The following SUMF1 variants were observed in gnomAD, a reference collection of about 807,000 sequenced individuals.
SUMF1 encodes formylglycine-generating enzyme.
A neutral mutation model predicts 47.6 loss-of-function variants in SUMF1; 48 were observed. That is an observed-to-expected ratio of 1.01 (90% CI 0.80 to 1.28). The LOEUF is 1.28. Among genes scored for constraint, SUMF1 ranks in the 50% most tolerant of loss-of-function variants. The pLI, the probability that SUMF1 is intolerant of heterozygous loss-of-function variation, is 0.00. For missense variants in SUMF1, 571 were observed against 485.4 expected, an observed-to-expected ratio of 1.18 and a Z score of -1.66; for synonymous variants, 230 against 192.1, an observed-to-expected ratio of 1.20 and a Z score of -1.63.
chr3:4,286,220 T>A (rs1452679025), intron 8 of SUMF1, among the ~76,000 whole-genome samples: 1 of 152,006 alleles, frequency 6.6e-6, no homozygotes, highest in Non-Finnish European at 1.5e-5. Context: ...AATGGAAAAA[T>A]TTATAATAAA....
intron 8 of SUMF1, among the ~76,000 whole-genome samples, chr3:4,175,621 G>C (rs1474668431): frequency 1.3e-5 from 2 of 152,128 alleles, no homozygotes; most frequent in Non-Finnish European, 2.9e-5. Context: ...TAAAAATCGA[G>C]CAGTTTTCTT....
At chr3:4,218,989 C>T (rs1035512235) in intron 8 of SUMF1, among the ~76,000 whole-genome samples, 1 of 152,080 alleles carries the variant, frequency 6.6e-6, no homozygotes, top group African/African-American at 2.4e-5. Flanking sequence ...TCCAAGCTAC[C>T]CAAATCCACT....
chr3:4,206,239 C>T (rs1695650421), intron 8 of SUMF1, among the ~76,000 whole-genome samples: 1 of 151,766 alleles, frequency 6.6e-6, no homozygotes, highest in African/African-American at 2.4e-5. Flanking sequence ...AAGGGTGACA[C>T]AAACACTCCT....
chr3:4,185,875 T>C (rs183582068), intron 8 of SUMF1, among the ~76,000 whole-genome samples: 1 of 152,288 alleles, frequency 6.6e-6, no homozygotes, highest in African/African-American at 2.4e-5. Flanking sequence ...TGTTCCTCCA[T>C]GGAAAAACTT....
chr3:4,076,545 G>C (rs1380668679), intron 8 of SUMF1, among the ~76,000 whole-genome samples: 1 of 152,102 alleles, frequency 6.6e-6, no homozygotes, highest in Non-Finnish European at 1.5e-5. Flanking sequence ...ACTACCATCA[G>C]AGTGAACAGG....
At chr3:4,419,789 C>G (rs925573287) in intron 4 of SUMF1, among the ~76,000 whole-genome samples, 3 of 152,126 alleles carry the variant, frequency 2.0e-5, no homozygotes, top group Non-Finnish European at 4.4e-5. Context: ...ATAGGCCTCT[C>G]AAAAGGAGCA....
At chr3:4,357,710 T>C (rs889772591), downstream of SUMF1, among the ~76,000 whole-genome samples, 8 of 151,816 alleles carry the variant, frequency 5.3e-5, no homozygotes, top group Non-Finnish European at 1.0e-4. Flanking sequence ...CCGACTTCAA[T>C]TGATTCTCCT....
intron 8 of SUMF1, among the ~76,000 whole-genome samples, chr3:4,347,887 C>T (rs1206270522): frequency 1.3e-5 from 2 of 152,142 alleles, no homozygotes; most frequent in African/African-American, 4.8e-5. Context: ...TTTACACCAA[C>T]AACAGGCTAA....
chr3:4,431,209 C>G (rs1702221978), intron 3 of SUMF1, among the ~76,000 whole-genome samples: 1 of 152,164 alleles, frequency 6.6e-6, no homozygotes, highest in South Asian at 2.1e-4. Flanking sequence ...CAGTTTAAAG[C>G]CTGAAAGCCA....
intron 8 of SUMF1, among the ~76,000 whole-genome samples, chr3:4,087,578 A>T (rs1231788822): frequency 6.6e-6 from 1 of 152,104 alleles, no homozygotes; most frequent in Non-Finnish European, 1.5e-5. Context: ...AGTAAGAAGA[A>T]TCACATTGTT....
At chr3:4,056,995 C>G (rs1455607186) in intron 9 of SUMF1, among the ~76,000 whole-genome samples, 1 of 152,100 alleles carries the variant, frequency 6.6e-6, no homozygotes, top group Non-Finnish European at 1.5e-5. Flanking sequence ...ATCCACCCAC[C>G]TCAGCCTCCC....
intron 3 of SUMF1, among the ~76,000 whole-genome samples, chr3:4,439,512 C>T (rs1362627190): frequency 2.6e-5 from 4 of 151,792 alleles, no homozygotes; most frequent in African/African-American, 4.8e-5. Flanking sequence ...GGTGACAGAG[C>T]CAAACCCTGT....
intron 8 of SUMF1, among the ~76,000 whole-genome samples, chr3:4,278,088 A>G (rs569247530): frequency 6.6e-6 from 1 of 152,174 alleles, no homozygotes; most frequent in Non-Finnish European, 1.5e-5. Flanking sequence ...GAACACCCAG[A>G]TTTGTTTGGC....
At chr3:4,337,570 T>TG (rs1420433150) in intron 8 of SUMF1, among the ~76,000 whole-genome samples, 1 of 152,230 alleles carries the variant, frequency 6.6e-6, no homozygotes, top group Non-Finnish European at 1.5e-5. Flanking sequence ...CTGCTCACCA[T>TG]GGTACCTACC....
chr3:4,066,456 T>C (rs1402047431), intron 9 of SUMF1, among the ~76,000 whole-genome samples: 1 of 152,096 alleles, frequency 6.6e-6, no homozygotes, highest in Admixed American at 6.5e-5. Flanking sequence ...TTGGCCCTCC[T>C]GGTATTAAAG....
intron 7 of SUMF1, among the ~76,000 whole-genome samples, chr3:4,398,777 C>T (rs530189122): frequency 1.3e-5 from 2 of 152,300 alleles, no homozygotes; most frequent in Admixed American, 6.5e-5. Flanking sequence ...TATGACATAG[C>T]GATTCCCATC....
At chr3:4,406,250 C>G (rs1438116033) in intron 7 of SUMF1, among the ~76,000 whole-genome samples, 1 of 152,194 alleles carries the variant, frequency 6.6e-6, no homozygotes, top group African/African-American at 2.4e-5. Context: ...ATAATTATTT[C>G]TAATTTGTAG....
At chr3:4,110,111 T>C (rs1249519533) in intron 8 of SUMF1, among the ~76,000 whole-genome samples, 1 of 152,154 alleles carries the variant, frequency 6.6e-6, no homozygotes, top group Admixed American at 6.5e-5. Context: ...TTGGTGTGGA[T>C]GTCCTTTCTG....
intron 3 of SUMF1, among the ~76,000 whole-genome samples, chr3:4,432,282 G>A (rs967350397): frequency 6.6e-6 from 1 of 150,552 alleles, no homozygotes; most frequent in African/African-American, 2.5e-5. Flanking sequence ...GCTTTCAGAG[G>A]TACTTCCAAA....
Sources: allele counts gnomAD v4.1 joint callset (sites outside exome capture counted in the v4.1 genomes callset), GRCh38; gene constraint gnomAD v4.1.1; transcripts MANE v1.5; gene names NCBI Gene and HGNC (gene_info 2026-07-23, HGNC 2026-07-21).